Variants in RBFOX1 observed in about 807,000 individuals in gnomAD.
The protein encoded by RBFOX1 is RNA binding protein fox-1 homolog 1.
A neutral mutation model predicts 57.7 loss-of-function variants in RBFOX1; 8 were observed. The observed-to-expected ratio is 0.14, with a 90% confidence interval of 0.08 to 0.25. The LOEUF (loss-of-function observed/expected upper bound fraction) is 0.25. Among genes scored for constraint, RBFOX1 ranks in the 10% least tolerant of loss-of-function variants. The pLI, the probability that RBFOX1 is intolerant of heterozygous loss-of-function variation, is 1.00. For synonymous variants in RBFOX1, 326 were observed against 222.4 expected (o/e 1.47, Z -4.15); for missense variants, 611 against 548.5 (o/e 1.11, Z -1.14).
chr16:6,720,681 G>C (rs2065812566), intron 3 of RBFOX1, among the ~76,000 whole-genome samples: 4 of 152,214 alleles, frequency 2.6e-5, no homozygotes, highest in Admixed American at 1.3e-4. Flanking sequence ...GTGTCAGGAA[G>C]AGCTAGAGAG....
chr16:5,905,932 A>G (rs896677020), intron 4 of RBFOX1, among the ~76,000 whole-genome samples: 1 of 152,194 alleles, frequency 6.6e-6, no homozygotes, highest in Non-Finnish European at 1.5e-5. Flanking sequence ...GAAGGTTTTC[A>G]GCTCTCTTGT....
chr16:7,587,573 A>G (rs1358561733), intron 7 of RBFOX1, among the ~76,000 whole-genome samples: 1 of 152,214 alleles, frequency 6.6e-6, no homozygotes, highest in Non-Finnish European at 1.5e-5. Flanking sequence ...TGATGTTGCT[A>G]CATTTTTGTT....
intron 2 of RBFOX1, chr16:6,483,363 C>G (rs757527433): frequency 8.7e-6 from 13 of 1,501,086 alleles, no homozygotes; most frequent in East Asian, 7.5e-5. Context: ...CCCGGGCGAG[C>G]GAAGGCGCGC....
chr16:7,431,160 T>A (rs1226242360), intron 4 of RBFOX1: 1 of 152,196 alleles, frequency 6.6e-6, no homozygotes, highest in African/African-American at 2.4e-5. Context: ...TTTGCGTGAT[T>A]ATCTCGTTTG....
At position 7,450,392 on chromosome 16, in the gene RBFOX1, C is replaced by CAAAAAAAAAAAAAAAAAAAAAAAAAAAAA. The variant is rs57188328; in HGVS notation, c.28-67733_28-67732insAAAAAAAAAAAAAAAAAAAAAAAAAAAAA. The stretch of plus-strand genomic sequence containing the variant: ...CTGGCGACAGAGCAAGACTCTGTCT[C>CAAAAAAAAAAAAAAAAAAAAAAAAAAAAA]AAAAAAAAAAAAAAAAAAAAAAGGA... On this transcript the variant is annotated intron_variant, in intron 4 of 15. Coordinates refer to ENST00000550418, the MANE Select transcript of RBFOX1 (RefSeq NM_018723.4). 2.9e-5 allele frequency among the ~76,000 whole-genome samples: 2 copies of CAAAAAAAAAAAAAAAAAAAAAAAAAAAAA among 69,578 alleles called. 1 individual carries two copies. 45.6% of individuals were successfully genotyped at this position (69,578 alleles called of 152,430 possible).
chr16:6,197,242 C>T (rs1052831018), intron 1 of RBFOX1, among the ~76,000 whole-genome samples: 1 of 152,120 alleles, frequency 6.6e-6, no homozygotes, highest in African/African-American at 2.4e-5. Flanking sequence ...TGGTGACTCC[C>T]CAAACTGAGA....
intron 14 of RBFOX1, among the ~76,000 whole-genome samples, chr16:7,686,032 G>A (rs374143969): frequency 2.6e-5 from 4 of 152,104 alleles, no homozygotes; most frequent in East Asian, 3.9e-4. Flanking sequence ...TATAAAGTGG[G>A]ATTAATGGAT....
intron 3 of RBFOX1, among the ~76,000 whole-genome samples, chr16:6,864,987 TTCTTTTTC>T: frequency 9.0e-6 from 1 of 111,052 alleles, no homozygotes; most frequent in African/African-American, 4.0e-5. Context: ...GAGTGGGTTT[TTCTTTTTC>T]TTTTTTTTTT....
chr16:6,558,860 C>T (rs1366110244), intron 2 of RBFOX1, among the ~76,000 whole-genome samples: 1 of 151,212 alleles, frequency 6.6e-6, no homozygotes, highest in Admixed American at 6.6e-5. Context: ...ATACCCAGCT[C>T]CTCCTGAGTG....
intron 3 of RBFOX1, among the ~76,000 whole-genome samples, chr16:5,782,516 A>G (rs1377921662): frequency 6.6e-6 from 1 of 152,220 alleles, no homozygotes; most frequent in Admixed American, 6.5e-5. Context: ...TTTCACCACA[A>G]GAATTTGGGC....
chr16:5,596,303 T>C (rs2047180714), intron 2 of RBFOX1, among the ~76,000 whole-genome samples: 1 of 152,222 alleles, frequency 6.6e-6, no homozygotes, highest in Non-Finnish European at 1.5e-5. Flanking sequence ...TTTCTTCCAA[T>C]CAGCTTCCCC....
At chr16:7,369,345 G>C (rs189641863) in intron 4 of RBFOX1, among the ~76,000 whole-genome samples, 1 of 152,124 alleles carries the variant, frequency 6.6e-6, no homozygotes, top group Non-Finnish European at 1.5e-5. Context: ...GCAAAGTGGA[G>C]GCCCTAGCAA....
At chr16:6,958,450 C>G (rs1325784788) in intron 3 of RBFOX1, among the ~76,000 whole-genome samples, 1 of 152,132 alleles carries the variant, frequency 6.6e-6, no homozygotes, top group Non-Finnish European at 1.5e-5. Context: ...AGGACCTTCT[C>G]GCAATTCCTC....
intron 4 of RBFOX1, among the ~76,000 whole-genome samples, chr16:7,449,827 G>A (rs578071547): frequency 1.9e-4 from 29 of 151,874 alleles, no homozygotes; most frequent in Non-Finnish European, 3.8e-4. Flanking sequence ...CACCTTCACA[G>A]GGTAAAGTGT....
Position 6,612,863 on chromosome 16 carries a change from A to AAAAAAAT in RBFOX1, c.-63-41738_-63-41737insAAAATAA, listed in dbSNP as rs59339311. On this transcript the variant is annotated intron_variant, in intron 2 of 15. Coordinates refer to ENST00000550418, the MANE Select transcript of RBFOX1 (RefSeq NM_018723.4). Reference sequence around the variant, plus strand: ...AGACTCTCTCTCAAAAAAAAAAAAAAAATAATAATAATAATATTTGTTTGT... The same window carrying AAAAAAAT: ...AGACTCTCTCTCAAAAAAAAAAAAAAAAAAAATAATAATAATAATAATATTTGTTTGT... Among the ~76,000 whole-genome samples the AAAAAAAT allele has an allele frequency of 4.0e-3, 525 of 132,224 alleles. 2 individuals carry two copies. Among genetic ancestry groups the AAAAAAAT allele is most frequent in the African/African-American group, 8.5e-3 (292 of 34,462 alleles). 86.7% of individuals were successfully genotyped at this position (132,224 alleles called of 152,430 possible). A position where few individuals can be genotyped will look rare whatever the true frequency, so the allele number is the denominator to read the frequency against.
At chr16:6,345,505 G>A (rs1028456218) in intron 2 of RBFOX1, among the ~76,000 whole-genome samples, 1 of 152,160 alleles carries the variant, frequency 6.6e-6, no homozygotes, top group Admixed American at 6.5e-5. Context: ...CCCCAGCCCT[G>A]TTTTAGCGAG....
At chr16:5,586,101 G>A (rs903341283) in intron 2 of RBFOX1, among the ~76,000 whole-genome samples, 3 of 152,288 alleles carry the variant, frequency 2.0e-5, no homozygotes, top group East Asian at 3.9e-4. Context: ...AGGCAGAGAC[G>A]GGACTGATGC....
At chr16:5,912,894 A>G (rs988860037) in intron 4 of RBFOX1, among the ~76,000 whole-genome samples, 4 of 152,184 alleles carry the variant, frequency 2.6e-5, no homozygotes, top group Non-Finnish European at 5.9e-5. Flanking sequence ...GAGCTTGTCC[A>G]GTTCTGGCCT....
intron 3 of RBFOX1, among the ~76,000 whole-genome samples, chr16:5,663,880 C>T (rs1290986495): frequency 6.6e-6 from 1 of 152,176 alleles, no homozygotes; most frequent in South Asian, 2.1e-4. Flanking sequence ...GGTGGGGAAG[C>T]TTCCCTTGAT....
Sources: gnomAD v4.1 joint callset for allele counts (sites outside exome capture counted in the v4.1 genomes callset) on GRCh38, gnomAD v4.1.1 for gene constraint, MANE v1.5 for transcripts, NCBI Gene and HGNC (gene_info 2026-07-23, HGNC 2026-07-21) for gene names.